ZNF696: variants seen among roughly 807,000 people sequenced by gnomAD.
ZNF696 encodes zinc finger protein 696.
ZNF696 carries 10 observed loss-of-function variants against 12.3 expected under a neutral mutation model. That is an observed-to-expected ratio of 0.81 (90% CI 0.50 to 1.38). ZNF696 has a LOEUF of 1.38. Ranked by LOEUF, ZNF696 falls within the 40% of genes most tolerant of loss-of-function variation. The pLI, the probability that ZNF696 is intolerant of heterozygous loss-of-function variation, is 0.00. For synonymous variants in ZNF696, 304 were observed against 243.9 expected (o/e 1.25, Z -2.29); for missense variants, 675 against 554.7 (o/e 1.22, Z -2.18).
In ZNF696 at chr8:143,296,056, C is replaced by A. The variant is rs1326935252; in HGVS notation, c.381C>A (p.Cys127Ter). 2.5e-6 allele frequency: 4 copies of A among 1,592,266 alleles called. No homozygotes were observed. The highest frequency in any genetic ancestry group is 1.7e-6 in the Non-Finnish European group (2 of 1,168,454). Residue 127 changes from cysteine to a stop codon, truncating the protein, a stop_gained, in exon 3 of 3, where the codon TGC becomes TGA. Coordinates refer to ENST00000330143, the MANE Select transcript of ZNF696 (RefSeq NM_030895.3). LOFTEE classifies it low-confidence loss of function (END_TRUNC). ...GGSWKGRPFPCGACGRSFKCS... is the reference protein window; with the variant it reads ...GGSWKGRPFP ...GCTGGAAGGGGCGGCCTTTCCCGTG[C>A]GGCGCCTGTGGCCGCAGCTTCAAGT... is the stretch of plus-strand genomic sequence containing the variant.
Position 143,296,132 on chromosome 8 carries a change from T to C in ZNF696, c.457T>C (p.Tyr153His). ...GAGCATCCACTCGGGGGAGAAACCG[T>C]ACGAGTGCAGCGACTGCGGGAAGGC... ...HRSIHSGEKP[Y>H]ECSDCGKAFI... Residue 153 changes from tyrosine (Y) to histidine (H), a missense_variant, in exon 3 of 3, where the codon TAC becomes CAC. By Grantham distance (83) the Tyr-to-His change is moderately conservative (BLOSUM62 2). Coordinates refer to ENST00000330143, the MANE Select transcript of ZNF696 (RefSeq NM_030895.3). 1.2e-6 allele frequency: 2 copies of C among 1,610,082 alleles called. No homozygotes were observed. The highest frequency in any genetic ancestry group is 1.7e-6 in the Non-Finnish European group (2 of 1,178,812).
chr8:143,296,799 G>A lies in ZNF696; in HGVS notation c.1124G>A (p.Ter375=). 2 of 1,396,050 alleles carry A rather than the reference G, an allele frequency of 1.4e-6. No homozygotes were observed. The highest frequency in any genetic ancestry group is 9.2e-7 in the Non-Finnish European group (1 of 1,082,546). 86.5% of individuals were successfully genotyped at this position (1,396,050 alleles called of 1,614,324 possible). ...IQHRRVHGAE[*] is the part of the protein sequence containing the mutation. ...CACCGGCGGGTGCATGGCGCCGAGT[G>A]AGCCGGGGCTGCGGCGGAAGAGATG... Residue 375 remains the stop codon, a stop_retained_variant, in exon 3 of 3, where the codon TGA becomes TAA. Coordinates refer to ENST00000330143, the MANE Select transcript of ZNF696 (RefSeq NM_030895.3).
Position 143,299,018 on chromosome 8 carries a change from G to A in ZNF696, c.*2218G>A, listed in dbSNP as rs989737991. On this transcript the variant is annotated 3_prime_UTR_variant, in exon 3 of 3. Transcript: ENST00000330143. The stretch of plus-strand genomic sequence containing the variant: ...CTACTAAAAATACAAAATTAGCTGG[G>A]CATGGTGGCCCACACCTGTAATCCC... Among the ~76,000 whole-genome samples the A allele has an allele frequency of 5.3e-5, 8 of 152,150 alleles. No homozygotes were observed. Among genetic ancestry groups the A allele is most frequent in the Non-Finnish European group, 7.3e-5 (5 of 68,044 alleles).
At position 143,291,543 on chromosome 8, in the gene ZNF696, C is replaced by T. The variant is rs1815624792; in HGVS notation, c.-255C>T. 9.1e-6 allele frequency: 9 copies of T among 984,408 alleles called. No homozygotes were observed. Among genetic ancestry groups the T allele is most frequent in the Non-Finnish European group, 1.1e-5 (9 of 828,992 alleles). The allele number at this position is 984,408 out of a possible 1,614,324, so 61.0% of individuals were successfully genotyped here. ...GTCACCGCCGCCGTGGCCCGCGCGTCCCGCGCTCTCCTTGCAGTGCAGGCC... is the reference window on the plus strand; with the variant it reads ...GTCACCGCCGCCGTGGCCCGCGCGTTCCGCGCTCTCCTTGCAGTGCAGGCC... On this transcript the variant is annotated 5_prime_UTR_variant, in exon 1 of 3. Coordinates refer to ENST00000330143, the MANE Select transcript of ZNF696 (RefSeq NM_030895.3).
intron 2 of ZNF696, among the ~76,000 whole-genome samples, chr8:143,293,625 C>T (rs890143018): frequency 3.3e-5 from 5 of 152,228 alleles, no homozygotes; most frequent in African/African-American, 1.2e-4. Context: ...CTGGGATTGC[C>T]TCCATCGGAA....
In ZNF696 at chr8:143,296,139, G is replaced by C. The variant is rs370322824; in HGVS notation, c.464G>C (p.Cys155Ser). The change falls in exon 3 of 3, where the codon TGC becomes TCC. Residue 155 changes from cysteine (C) to serine (S), a missense_variant. Physicochemically the swap from Cys to Ser is moderately radical, Grantham distance 112. Coordinates refer to ENST00000330143, the MANE Select transcript of ZNF696 (RefSeq NM_030895.3). ...CACTCGGGGGAGAAACCGTACGAGT[G>C]CAGCGACTGCGGGAAGGCCTTCATC... Reference protein sequence around the residue: ...SIHSGEKPYECSDCGKAFIHS... With the variant: ...SIHSGEKPYESSDCGKAFIHS... 10 of 1,609,526 alleles carry C rather than the reference G, an allele frequency of 6.2e-6. No homozygotes were observed. Among genetic ancestry groups the C allele is most frequent in the Admixed American group, 1.7e-5 (1 of 59,760 alleles).
intron 2 of ZNF696, among the ~76,000 whole-genome samples, chr8:143,294,328 G>A (rs538489895): frequency 3.3e-5 from 5 of 152,164 alleles, no homozygotes; most frequent in South Asian, 2.1e-4. Flanking sequence ...CGCCGCCGCC[G>A]CCCAGCCCAC....
At position 143,291,527 on chromosome 8, in the gene ZNF696, G is replaced by C. The variant is rs889390310; in HGVS notation, c.-271G>C. The C allele has an allele frequency of 4.4e-5, 43 of 984,326 alleles. No homozygotes were observed. The highest frequency in any genetic ancestry group is 4.9e-5 in the Non-Finnish European group (41 of 829,052). The allele number at this position is 984,326 out of a possible 1,614,324, so 61.0% of individuals were successfully genotyped here. ...CCGAGAGAACGGGGCGGTCACCGCC[G>C]CCGTGGCCCGCGCGTCCCGCGCTCT... On this transcript the variant is annotated 5_prime_UTR_variant, in exon 1 of 3. Coordinates refer to ENST00000330143, the MANE Select transcript of ZNF696 (RefSeq NM_030895.3).
At chr8:143,294,134 A>G (rs1815669546) in intron 2 of ZNF696, among the ~76,000 whole-genome samples, 1 of 152,134 alleles carries the variant, frequency 6.6e-6, no homozygotes. Context: ...CCTCCTATGC[A>G]GGCCAAGCTC....
At chr8:143,292,918 C>A in intron 1 of ZNF696, 54 bp from the exon 2 acceptor site, 2 of 1,496,296 alleles carry the variant, frequency 1.3e-6, no homozygotes, top group Non-Finnish European at 1.8e-6. Context: ...CTGCCCCTGG[C>A]CCCTGTACCT....
chr8:143,296,429 G>A lies in ZNF696; in HGVS notation c.754G>A (p.Val252Met), dbSNP rs755290412. 2.5e-6 allele frequency: 4 copies of A among 1,604,076 alleles called. No homozygotes were observed. The East Asian group carries it at 9.0e-5, about 36-fold the overall frequency. ...CGKRFLHSSN[V>M]VRHRRTHHGE... ...GAAGCGCTTCCTGCACAGCTCGAAC[G>A]TGGTCCGGCACCGGCGGACCCACCA... is the stretch of plus-strand genomic sequence containing the variant. Residue 252 changes from valine to methionine, a missense_variant, in exon 3 of 3, where the codon GTG becomes ATG. Physicochemically the swap from Val to Met is conservative, Grantham distance 21. Coordinates refer to ENST00000330143, the MANE Select transcript of ZNF696 (RefSeq NM_030895.3).
rs1815725746 is a variant in ZNF696, at chr8:143,296,732, G to C, written c.1057G>C (p.Glu353Gln). The stretch of plus-strand genomic sequence containing the variant: ...GGGCGAGAAGCCGTTCCGCTGCACC[G>C]AGTGCGGCCGCGCCTTCCGCCTGAG... ...HTGEKPFRCT[E>Q]CGRAFRLSFH... Residue 353 changes from glutamate (E) to glutamine (Q), a missense_variant, in exon 3 of 3, where the codon GAG (glutamate) becomes CAG (glutamine). By Grantham distance (29) the Glu-to-Gln change is conservative. Transcript: ENST00000330143. 1 of 1,517,084 alleles carries C rather than the reference G, an allele frequency of 6.6e-7. No homozygotes were observed. The highest frequency in any genetic ancestry group is 1.4e-5 in the African/African-American group (1 of 70,678). The allele number at this position is 1,517,084 out of a possible 1,614,324, so 94.0% of individuals were successfully genotyped here.
rs1320213128 is a variant in ZNF696 at position 143,296,493 on chromosome 8, C to T, written c.818C>T (p.Ala273Val). Residue 273 changes from alanine (A) to valine (V), a missense_variant, in exon 3 of 3, where the codon GCC becomes GTC. Transcript: ENST00000330143. The stretch of plus-strand genomic sequence containing the variant: ...TACGAGTGCCGGGAGTGCGGCCAGG[C>T]CTTCAGCCAGAGCTCCAACCTCCTC... ...NPYECRECGQAFSQSSNLLQH... is the reference protein window; with the variant it reads ...NPYECRECGQVFSQSSNLLQH... 7.5e-6 allele frequency: 12 copies of T among 1,608,636 alleles called. No individual in the cohort carries two copies. The highest frequency in any genetic ancestry group is 6.8e-6 in the Non-Finnish European group (8 of 1,179,238).
At chr8:143,294,165 C>T (rs1447006750) in intron 2 of ZNF696, among the ~76,000 whole-genome samples, 1 of 152,210 alleles carries the variant, frequency 6.6e-6, no homozygotes, top group Non-Finnish European at 1.5e-5. Flanking sequence ...TTTCTCATGT[C>T]CCAGGGTTTC....
At chr8:143,293,312 GTCTC>G (rs1271302595) in intron 2 of ZNF696, 2 of 575,678 alleles carry the variant, frequency 3.5e-6, no homozygotes, top group Admixed American at 3.3e-5. Flanking sequence ...CTCTGGGAAG[GTCTC>G]TCTCTCAGTG....
rs765026208 is a variant in ZNF696 at position 143,295,740 on chromosome 8, CTG to C, written c.68_69del (p.Val23GlufsTer52). 6.3e-7 allele frequency: 1 copy of C among 1,585,802 alleles called. No individual in the cohort carries two copies. Among genetic ancestry groups the C allele is most frequent in the South Asian group, 1.1e-5 (1 of 87,404 alleles). ...CGTTCCTGTCTGGCCTCTTTTTCAG[CTG>C]TGAAGGCTGCTTTCCTGGCGCAGGC... is the stretch of plus-strand genomic sequence containing the variant. On this transcript the variant is annotated frameshift_variant and splice_region_variant, in exon 3 of 3. Coordinates refer to ENST00000330143, the MANE Select transcript of ZNF696 (RefSeq NM_030895.3). LOFTEE classifies it low-confidence loss of function (END_TRUNC).
rs529012030 is a variant in ZNF696 at position 143,298,361 on chromosome 8, G to A, written c.*1561G>A. On this transcript the variant is annotated 3_prime_UTR_variant, in exon 3 of 3. Coordinates refer to ENST00000330143, the MANE Select transcript of ZNF696 (RefSeq NM_030895.3). Reference sequence around the variant, plus strand: ...GGGTGGTCTCAGAATGGATTTGGTGGCCCCACCGTTAATTAAGCTCCTGAC... The same window carrying A: ...GGGTGGTCTCAGAATGGATTTGGTGACCCCACCGTTAATTAAGCTCCTGAC... Among the ~76,000 whole-genome samples the A allele has an allele frequency of 1.9e-3, 288 of 152,240 alleles. 1 individual carries two copies. The highest frequency in any genetic ancestry group is 6.5e-3 in the African/African-American group (270 of 41,518).
Position 143,295,814 on chromosome 8 carries a change from G to A in ZNF696, c.139G>A (p.Glu47Lys). Residue 47 changes from glutamate (E) to lysine (K), a missense_variant, in exon 3 of 3, where the codon GAG becomes AAG. Coordinates refer to ENST00000330143, the MANE Select transcript of ZNF696 (RefSeq NM_030895.3). ...SAEVQAAQST[E>K]PAAEAGAPEG... The stretch of plus-strand genomic sequence containing the variant: ...CGAGGTGCAGGCAGCTCAGAGCACG[G>A]AGCCTGCCGCAGAGGCAGGCGCTCC... The A allele has an allele frequency of 6.3e-7, 1 of 1,599,746 alleles. No homozygotes were observed. Among genetic ancestry groups the A allele is most frequent in the Non-Finnish European group, 8.5e-7 (1 of 1,174,352 alleles).
chr8:143,292,712 C>T (rs1027828701), intron 1 of ZNF696, among the ~76,000 whole-genome samples: 6 of 152,240 alleles, frequency 3.9e-5, no homozygotes, highest in African/African-American at 7.2e-5. Flanking sequence ...CTGTGCTCTG[C>T]GTCAGCCCTG....
Sources: gnomAD v4.1 joint callset for allele counts (sites outside exome capture counted in the v4.1 genomes callset) on GRCh38, gnomAD v4.1.1 for gene constraint, MANE v1.5 for transcripts, NCBI Gene and HGNC (gene_info 2026-07-23, HGNC 2026-07-21) for gene names.